UPF2: variants seen among roughly 807,000 people sequenced by gnomAD.
UPF2 encodes regulator of nonsense transcripts 2.
Under a neutral mutation model 141.4 loss-of-function variants are expected in UPF2, and 17 were observed. The observed-to-expected ratio is 0.12, with a 90% confidence interval of 0.08 to 0.18. The LOEUF is 0.18. Among genes scored for constraint, UPF2 ranks in the 10% least tolerant of loss-of-function variants. UPF2 has a pLI of 1.00. For synonymous variants in UPF2, 540 were observed against 498.0 expected (o/e 1.08, Z -1.12); for missense variants, 1,152 against 1,515.9 (o/e 0.76, Z 3.99).
At chr10:12,011,948 A>AAAT (rs1212488558) in intron 4 of UPF2, among the ~76,000 whole-genome samples, 21 of 151,818 alleles carry the variant, frequency 1.4e-4, no homozygotes, top group South Asian at 6.2e-4. Context: ...TCTGTCTCAA[A>AAAT]AATAATAATA....
At chr10:12,035,557 A>C (rs1453595476) in intron 1 of UPF2, 116 bp from the exon 2 acceptor site, 7 of 1,124,288 alleles carry the variant, frequency 6.2e-6, no homozygotes, top group African/African-American at 1.6e-5. Flanking sequence ...AAGAGTAAAT[A>C]AAGGCAGGTA....
intron 9 of UPF2, among the ~76,000 whole-genome samples, chr10:11,975,807 G>A (rs546461437): frequency 2.6e-5 from 4 of 151,978 alleles, no homozygotes; most frequent in African/African-American, 4.8e-5. Flanking sequence ...GTGGGCCACC[G>A]CGCCCGGCCC....
At chr10:11,965,101 T>A (rs1833298253) in intron 10 of UPF2, among the ~76,000 whole-genome samples, 1 of 152,234 alleles carries the variant, frequency 6.6e-6, no homozygotes. Flanking sequence ...ATTTTCAGAT[T>A]AGGAATGCTC....
At chr10:12,038,427 C>CT (rs1834674138) in intron 1 of UPF2, among the ~76,000 whole-genome samples, 1 of 140,760 alleles carries the variant, frequency 7.1e-6, no homozygotes, top group African/African-American at 2.6e-5. Flanking sequence ...CACAAATTAC[C>CT]TTTAATATAT....
chr10:11,943,125 T>C lies in UPF2; in HGVS notation c.3218A>G (p.Glu1073Gly), dbSNP rs1195305192. Residue 1073 changes from glutamate to glycine, a missense_variant, in exon 17 of 22, where the codon GAA (glutamate) becomes GGA (glycine). Glu to Gly is a moderately conservative substitution (Grantham distance 98, BLOSUM62 -2). Coordinates refer to ENST00000357604, the MANE Select transcript of UPF2 (RefSeq NM_015542.4). ...NDDDEGEEEE[E>G]ENTDYLTDSN... ...ATCTGTAAGGTAATCTGTATTCTCT[T>C]CCTCCTCTTCTTCTCCCTCATCATC... 4 of 1,611,948 alleles carry C rather than the reference T, an allele frequency of 2.5e-6. No individual in the cohort carries two copies. The highest frequency in any genetic ancestry group is 3.4e-6 in the Non-Finnish European group (4 of 1,179,364).
chr10:11,987,928 T>A (rs1229071914), intron 8 of UPF2, among the ~76,000 whole-genome samples: 1 of 152,110 alleles, frequency 6.6e-6, no homozygotes, highest in Non-Finnish European at 1.5e-5. Flanking sequence ...CATCAAACTT[T>A]AAAAACTGTG....
At chr10:12,033,971 T>C (rs929666201) in intron 2 of UPF2, among the ~76,000 whole-genome samples, 13 of 152,228 alleles carry the variant, frequency 8.5e-5, no homozygotes, top group African/African-American at 2.7e-4. Context: ...TTGCACAGGT[T>C]TACAAGCTTA....
chr10:12,013,358 C>G (rs1488429623), intron 4 of UPF2, among the ~76,000 whole-genome samples: 1 of 149,894 alleles, frequency 6.7e-6, no homozygotes, highest in African/African-American at 2.5e-5. Context: ...CTCACTGCAA[C>G]TTCTGCCTGC....
chr10:12,037,307 C>T (rs73575335), intron 1 of UPF2, among the ~76,000 whole-genome samples: 14 of 152,166 alleles, frequency 9.2e-5, no homozygotes, highest in African/African-American at 3.4e-4. Flanking sequence ...GTCTCGAAAT[C>T]CTGAGTTTAA....
At chr10:12,012,796 CAAAA>C (rs753104549) in intron 4 of UPF2, among the ~76,000 whole-genome samples, 2 of 63,674 alleles carry the variant, frequency 3.1e-5, no homozygotes, top group Non-Finnish European at 3.3e-5. Context: ...AAGACTCCGC[CAAAA>C]AAAAAAAAAA....
In UPF2 at chr10:11,936,677, T is replaced by C. The variant is rs755236940; in HGVS notation, c.3414A>G (p.Leu1138=). The C allele has an allele frequency of 2.7e-5, 44 of 1,612,142 alleles. No individual in the cohort carries two copies. In the African/African-American group the frequency reaches 3.2e-4, roughly 12 times the overall value. Residue 1138 remains leucine, a synonymous_variant, in exon 19 of 22, where the codon CTA becomes CTG. Coordinates refer to ENST00000357604, the MANE Select transcript of UPF2 (RefSeq NM_015542.4). This position sits in a 1 kb window ranked among gnomAD's most constrained non-coding sequence, Gnocchi z 6.6. ...TGAGATGCAAAGGAATGGCAACATC[T>C]AGTTGGTGCACTTTAACAGATTCAC... ...RSGESVKVHQ[L]DVAIPLHLKS... is the part of the protein sequence containing the mutation.
At position 11,936,621 on chromosome 10, in the gene UPF2, C is replaced by T; in HGVS notation, c.3470G>A (p.Gly1157Glu). 1 of 1,613,558 alleles carries T rather than the reference C, an allele frequency of 6.2e-7. No homozygotes were observed. The highest frequency in any genetic ancestry group is 1.1e-5 in the South Asian group (1 of 90,880). The change falls in exon 19 of 22, where the codon GGA becomes GAA. Residue 1157 changes from glycine to glutamate, a missense_variant. Transcript: ENST00000357604. The surrounding 1 kb of genome is among the most constrained non-coding windows in gnomAD (Gnocchi z 6.6). ...AGACTCAGCCTCTCCTTCCCCACCTCCCAGTGGGGGCCCTTTCCTCAGCTG... is the reference window on the plus strand; with the variant it reads ...AGACTCAGCCTCTCCTTCCCCACCTTCCAGTGGGGGCCCTTTCCTCAGCTG... ...KSQLRKGPPL[G>E]GGEGEAESAD...
chr10:11,921,676 G>A lies in UPF2; in HGVS notation c.3810-369C>T, dbSNP rs1221113668. Among the ~76,000 whole-genome samples, 1 of 152,058 alleles carries A rather than the reference G, an allele frequency of 6.6e-6. No homozygotes were observed. Among genetic ancestry groups the A allele is most frequent in the African/African-American group, 2.4e-5 (1 of 41,390 alleles). ...ATGTCTGTGCATTTTGGTGTCTGAGGGGATCCAGGAAGCAACCCCCTGTGG... is the reference window on the plus strand; with the variant it reads ...ATGTCTGTGCATTTTGGTGTCTGAGAGGATCCAGGAAGCAACCCCCTGTGG... On this transcript the variant is annotated intron_variant, in intron 21 of 21. Transcript: ENST00000357604. The surrounding 1 kb of genome is among the most constrained non-coding windows in gnomAD (Gnocchi z 5.9).
rs957965520 is a variant in UPF2, at chr10:11,956,133, C to G, written c.2574+187G>C. ...GTGCACTCCAGCCTGGGTGACACAG[C>G]GAGACTCAGTCTCAAAAAAAAAAAA... On this transcript the variant is annotated intron_variant, in intron 13 of 21. Coordinates refer to ENST00000357604, the MANE Select transcript of UPF2 (RefSeq NM_015542.4). The surrounding 1 kb of genome is among the most constrained non-coding windows in gnomAD (Gnocchi z 4.2). 2.8e-5 allele frequency among the ~76,000 whole-genome samples: 4 copies of G among 143,126 alleles called. No homozygotes were observed. The highest frequency in any genetic ancestry group is 7.8e-5 in the African/African-American group (3 of 38,370). The allele number at this position is 143,126 out of a possible 152,430, so 93.9% of individuals were successfully genotyped here. A position where few individuals can be genotyped will look rare whatever the true frequency, so the allele number is the denominator to read the frequency against.
Position 12,022,092 on chromosome 10 carries a change from A to G in UPF2, c.1145+6653T>C, listed in dbSNP as rs544532102. Among the ~76,000 whole-genome samples the G allele has an allele frequency of 3.9e-5, 6 of 152,048 alleles. No individual in the cohort carries two copies. The South Asian group carries it at 1.2e-3, about 32-fold the overall frequency. The stretch of plus-strand genomic sequence containing the variant: ...GAGGTGGAAGTTGCAGTGAGCCAGG[A>G]TCGCGCCACTGCACTCCAGCCTGGG... On this transcript the variant is annotated intron_variant, in intron 3 of 21. Transcript: ENST00000357604.
Position 11,921,287 on chromosome 10 carries a change from G to A in UPF2, c.*11C>T, listed in dbSNP as rs17151058. 1,656 of 1,614,100 alleles carry A rather than the reference G, an allele frequency of 1.0e-3. 28 individuals carry two copies. The Admixed American group carries it at 0.018, about 17-fold the overall frequency. On this transcript the variant is annotated 3_prime_UTR_variant, in exon 22 of 22. Coordinates refer to ENST00000357604, the MANE Select transcript of UPF2 (RefSeq NM_015542.4). This position sits in a 1 kb window ranked among gnomAD's most constrained non-coding sequence, Gnocchi z 5.9. ...GATACAGGACCTAATGAAATGACAC[G>A]TGCTGCTGGATCAACGTCTCCTAAA...
intron 8 of UPF2, among the ~76,000 whole-genome samples, chr10:11,993,995 A>G (rs1427678044): frequency 3.3e-5 from 5 of 152,152 alleles, no homozygotes; most frequent in African/African-American, 1.2e-4. Context: ...TCTCTAAAAA[A>G]AAAGAACCAA....
intron 15 of UPF2, among the ~76,000 whole-genome samples, chr10:11,948,938 G>A (rs536106580): frequency 1.6e-3 from 241 of 152,228 alleles, no homozygotes; most frequent in African/African-American, 5.7e-3. Context: ...GAAAAAAATC[G>A]TGCCACTTTA....
intron 9 of UPF2, among the ~76,000 whole-genome samples, chr10:11,976,699 G>A (rs1833510987): frequency 6.6e-6 from 1 of 151,978 alleles, no homozygotes; most frequent in South Asian, 2.1e-4. Context: ...GGAGGCTGAA[G>A]GAAGAAAGCT....
Sources: allele counts gnomAD v4.1 joint callset (sites outside exome capture counted in the v4.1 genomes callset), GRCh38; gene constraint gnomAD v4.1.1; non-coding constraint Gnocchi (gnomAD v3.1); transcripts MANE v1.5; gene names NCBI Gene and HGNC (gene_info 2026-07-23, HGNC 2026-07-21).